Variants in SYTL2 observed in about 807,000 individuals in gnomAD.
SYTL2 encodes synaptotagmin-like protein 2.
A neutral mutation model predicts 198.7 loss-of-function variants in SYTL2; 165 were observed. The ratio of observed to expected loss-of-function variants is 0.83; its 90% confidence interval spans 0.73 to 0.94. The LOEUF (loss-of-function observed/expected upper bound fraction) is 0.94, where lower values mean the gene tolerates loss of function less well. Among genes scored for constraint, SYTL2 ranks in the 40% least tolerant of loss-of-function variants. The pLI is 0.00. For synonymous variants in SYTL2, 966 were observed against 917.7 expected (o/e 1.05, Z -0.95); for missense variants, 2,835 against 2,582.8 (o/e 1.10, Z -2.12).
the SYTL2 span, among the ~76,000 whole-genome samples, chr11:85,831,748 A>G: frequency 6.6e-6 from 1 of 152,174 alleles, no homozygotes; most frequent in Admixed American, 6.5e-5. Flanking sequence ...CAAGACACTA[A>G]CTGCAAAAGC....
chr11:85,833,083 GAAAGAAAGAAA>G, the SYTL2 span, among the ~76,000 whole-genome samples: 122 of 50,928 alleles, frequency 2.4e-3, 7 homozygotes, highest in Non-Finnish European at 3.9e-3. Flanking sequence ...AAGAAAGAAA[GAAAGAAAGAAA>G]GAAAGAAGGA....
chr11:85,823,419 A>G, the SYTL2 span, among the ~76,000 whole-genome samples: 2 of 152,246 alleles, frequency 1.3e-5, no homozygotes, highest in African/African-American at 4.8e-5. Context: ...CTTCAGTCAG[A>G]TACTTTCTAC....
chr11:85,808,480 A>G (rs1425809505), intron 1 of SYTL2, among the ~76,000 whole-genome samples: 2 of 152,158 alleles, frequency 1.3e-5, no homozygotes, highest in Admixed American at 6.6e-5. Flanking sequence ...CTTCATTCTG[A>G]AAAATGGGAA....
At chr11:85,765,297 C>T (rs1045313978) in intron 1 of SYTL2, among the ~76,000 whole-genome samples, 18 of 152,086 alleles carry the variant, frequency 1.2e-4, no homozygotes, top group Non-Finnish European at 1.8e-4. Flanking sequence ...AGTGCAAGGG[C>T]GTGATCTCCG....
chr11:85,734,460 T>C lies in SYTL2; in HGVS notation c.869A>G (p.Tyr290Cys), dbSNP rs1304126078. The C allele has an allele frequency of 1.2e-6, 2 of 1,614,242 alleles. No homozygotes were observed. Among genetic ancestry groups the C allele is most frequent in the East Asian group, 2.2e-5 (1 of 44,888 alleles). ...SSSTDSETLR[Y>C]NHNFEPKSKI... is the part of the protein sequence containing the mutation. ...GCTTTTGGGTTCAAAGTTGTGATTA[T>C]AACGAAGGGTTTCTGAGTCTGTGCT... Residue 290 changes from tyrosine to cysteine, a missense_variant, in exon 7 of 20, where the codon TAT becomes TGT. Physicochemically the swap from Tyr to Cys is radical, Grantham distance 194 (BLOSUM62 -2). Transcript: ENST00000359152.
chr11:85,803,084 T>C (rs1248182782), intron 1 of SYTL2, among the ~76,000 whole-genome samples: 1 of 152,192 alleles, frequency 6.6e-6, no homozygotes, highest in South Asian at 2.1e-4. Context: ...CTCAAAATCA[T>C]CTGCTATAAC....
chr11:85,729,398 C>G (rs1349814145), intron 7 of SYTL2, among the ~76,000 whole-genome samples: 2 of 152,172 alleles, frequency 1.3e-5, no homozygotes, highest in East Asian at 1.9e-4. Context: ...GTCTCTCAGA[C>G]CACAGTGCAA....
chr11:85,845,269 G>A, the SYTL2 span, among the ~76,000 whole-genome samples: 7 of 152,124 alleles, frequency 4.6e-5, no homozygotes, highest in Admixed American at 4.6e-4. Flanking sequence ...AACTCCTTCA[G>A]GCAGAGATAG....
chr11:85,774,492 A>G (rs957187690), intron 1 of SYTL2, among the ~76,000 whole-genome samples: 2 of 152,152 alleles, frequency 1.3e-5, no homozygotes, highest in African/African-American at 4.8e-5. Flanking sequence ...CTGCAAAGGA[A>G]CCCCAAGAGG....
intron 1 of SYTL2, among the ~76,000 whole-genome samples, chr11:85,766,627 C>A (rs1377018891): frequency 6.6e-6 from 1 of 152,140 alleles, no homozygotes; most frequent in Non-Finnish European, 1.5e-5. Flanking sequence ...ATGGCAGCAT[C>A]CACCGCAGGC....
At position 85,709,348 on chromosome 11, in the gene SYTL2, T is replaced by C; in HGVS notation, c.5898A>G (p.Lys1966=). The C allele has an allele frequency of 1.9e-6, 3 of 1,614,150 alleles. No individual in the cohort carries two copies. In the Middle Eastern group the frequency reaches 4.9e-4, roughly 266 times the overall value. ...GTACTTACGGGTCTGAACGCTGTTT[T>C]TTTACATCCGCTGCTGCTAAGTCCT... The part of the protein sequence containing the change: ...QCKDLAAADV[K]KQRSDPYVKA... The change falls in exon 14 of 20, where the codon AAA becomes AAG. Residue 1966 remains lysine, a synonymous_variant. Transcript: ENST00000359152.
the SYTL2 span, chr11:85,853,145 C>T: frequency 3.1e-6 from 1 of 319,860 alleles, no homozygotes; most frequent in South Asian, 2.3e-5. Flanking sequence ...CCGGCCGCCA[C>T]CCCGTCTGGG....
chr11:85,839,538 A>G, the SYTL2 span, among the ~76,000 whole-genome samples: 1 of 152,234 alleles, frequency 6.6e-6, no homozygotes. Context: ...AGAACATGGA[A>G]TGTTTGTCTT....
chr11:85,847,806 A>T, the SYTL2 span, among the ~76,000 whole-genome samples: 1 of 152,158 alleles, frequency 6.6e-6, no homozygotes, highest in Admixed American at 6.5e-5. Flanking sequence ...TGGCATTTGT[A>T]ATTAGTTGGT....
chr11:85,833,142 GGAAGGAAGGAAGGAAAGAAAGAAA>G, the SYTL2 span, among the ~76,000 whole-genome samples: 327 of 89,004 alleles, frequency 3.7e-3, 12 homozygotes, highest in African/African-American at 0.012. Flanking sequence ...AAGGAAGGAA[GGAAGGAAGGAAGGAAAGAAAGAAA>G]GAAAGAAAGA....
intron 9 of SYTL2, chr11:85,719,333 G>C (rs2087892012): frequency 8.7e-6 from 10 of 1,153,072 alleles, no homozygotes; most frequent in Non-Finnish European, 1.1e-5. Context: ...ATCTTGGCAG[G>C]CTAGTGTGAG....
chr11:85,789,352 A>ATATATATATATATATG (rs2092691085), intron 1 of SYTL2, among the ~76,000 whole-genome samples: 9 of 36,998 alleles, frequency 2.4e-4, no homozygotes, highest in Non-Finnish European at 4.0e-4. Flanking sequence ...ATATATATAT[A>ATATATATATATATATG]TATATATATA....
At chr11:85,798,105 T>C (rs1266524747) in intron 1 of SYTL2, among the ~76,000 whole-genome samples, 2 of 151,768 alleles carry the variant, frequency 1.3e-5, no homozygotes, top group Non-Finnish European at 2.9e-5. Context: ...GTGATCCACC[T>C]GCCTCAGCTT....
At chr11:85,846,615 T>G in the SYTL2 span, among the ~76,000 whole-genome samples, 1 of 151,944 alleles carries the variant, frequency 6.6e-6, no homozygotes, top group South Asian at 2.1e-4. Context: ...TTAGTAGAGA[T>G]GCAGTTTCAC....
Sources: gnomAD v4.1 joint callset for allele counts (sites outside exome capture counted in the v4.1 genomes callset) on GRCh38, gnomAD v4.1.1 for gene constraint, MANE v1.5 for transcripts, NCBI Gene and HGNC (gene_info 2026-07-23, HGNC 2026-07-21) for gene names.